ZNF292: variants seen among roughly 807,000 people sequenced by gnomAD.
ZNF292 encodes 16 zinc-finger domain protein.
A neutral mutation model predicts 217.9 loss-of-function variants in ZNF292; 26 were observed. The observed-to-expected ratio is 0.12, with a 90% confidence interval of 0.09 to 0.17. ZNF292 has a LOEUF of 0.17. Among genes scored for constraint, ZNF292 ranks in the 10% least tolerant of loss-of-function variants. The probability of loss-of-function intolerance (pLI) is 1.00; values close to 1 mark genes in which losing one functional copy is unlikely to be tolerated. For missense variants in ZNF292, 2,904 were observed against 3,175.2 expected (o/e 0.91, Z 2.05); for synonymous variants, 1,257 against 1,124.1 (o/e 1.12, Z -2.37).
intron 1 of ZNF292, among the ~76,000 whole-genome samples, chr6:87,195,931 G>A (rs1221611829): frequency 6.6e-6 from 1 of 151,838 alleles, no homozygotes; most frequent in Non-Finnish European, 1.5e-5. Flanking sequence ...AGGAGGCTGA[G>A]GCAGGAGAAT....
chr6:87,193,309 C>T (rs752840179), intron 1 of ZNF292, among the ~76,000 whole-genome samples: 4 of 152,082 alleles, frequency 2.6e-5, no homozygotes, highest in Non-Finnish European at 4.4e-5. Context: ...CTTTGGGAGG[C>T]GGAGGCAGAC....
In ZNF292 at chr6:87,261,761, A is replaced by C; in HGVS notation, c.8132A>C (p.Asp2711Ala). The C allele has an allele frequency of 6.2e-7, 1 of 1,612,826 alleles. No individual in the cohort carries two copies. The highest frequency in any genetic ancestry group is 2.2e-5 in the East Asian group (1 of 44,850). The change falls in exon 8 of 8, where the codon GAT becomes GCT. Residue 2711 changes from aspartate to alanine, a missense_variant. Physicochemically the swap from Asp to Ala is moderately radical, Grantham distance 126. Transcript: ENST00000369577. ...SNDPDMSVMKDISIGKATGRG... is the reference protein window; with the variant it reads ...SNDPDMSVMKAISIGKATGRG... The stretch of plus-strand genomic sequence containing the variant: ...GATCCAGATATGTCTGTTATGAAAG[A>C]TATCAGTATAGGTAAAGCCACAGGC...
intron 3 of ZNF292, among the ~76,000 whole-genome samples, chr6:87,217,504 ATTTTG>A (rs376776588): frequency 0.01 from 1,551 of 152,168 alleles, 28 homozygotes; most frequent in African/African-American, 0.034. Context: ...TAGGTAAATT[ATTTTG>A]AAACTTCCTA....
chr6:87,176,609 T>A (rs185714080), intron 1 of ZNF292, among the ~76,000 whole-genome samples: 5 of 152,292 alleles, frequency 3.3e-5, no homozygotes, highest in Non-Finnish European at 7.4e-5. Context: ...CTGAACCCTA[T>A]CACCCTCAAT....
intron 1 of ZNF292, among the ~76,000 whole-genome samples, chr6:87,200,072 T>G (rs1772062652): frequency 6.6e-6 from 1 of 152,216 alleles, no homozygotes; most frequent in East Asian, 1.9e-4. Flanking sequence ...TTGAATCTAA[T>G]TATGTACATC....
chr6:87,213,021 A>G (rs1285604975), intron 1 of ZNF292, among the ~76,000 whole-genome samples: 1 of 152,254 alleles, frequency 6.6e-6, no homozygotes, highest in Admixed American at 6.5e-5. Flanking sequence ...CAGCAGATTA[A>G]TAGGAGAAAT....
At chr6:87,236,257 G>A (rs1204061961) in intron 5 of ZNF292, among the ~76,000 whole-genome samples, 1 of 152,228 alleles carries the variant, frequency 6.6e-6, no homozygotes, top group Non-Finnish European at 1.5e-5. Context: ...TTTGTTAGAA[G>A]GAGTCAGCAA....
rs15511 is a variant in ZNF292 at position 87,261,749 on chromosome 6, C to A, written c.8120C>A (p.Ser2707Tyr). The change falls in exon 8 of 8, where the codon TCT (serine) becomes TAT (tyrosine). Residue 2707 changes from serine to tyrosine, a missense_variant. Physicochemically the swap from Ser to Tyr is moderately radical, Grantham distance 144. Around this residue, in one of 15 missense-constraint regions of ZNF292, gnomAD observed 380 missense variants for 355.3 expected, o/e 1.07. Coordinates refer to ENST00000369577, the MANE Select transcript of ZNF292 (RefSeq NM_015021.3). ...LEVHSNDPDM[S>Y]VMKDISIGKA... ...GTACATTCAAATGATCCAGATATGT[C>A]TGTTATGAAAGATATCAGTATAGGT... 1.2e-6 allele frequency: 2 copies of A among 1,612,846 alleles called. No individual in the cohort carries two copies. Among genetic ancestry groups the A allele is most frequent in the South Asian group, 2.2e-5 (2 of 91,012 alleles).
rs1775622979 is a variant in ZNF292 at position 87,261,883 on chromosome 6, CATT to C, written c.*85_*87del. On this transcript the variant is annotated 3_prime_UTR_variant, in exon 8 of 8. Coordinates refer to ENST00000369577, the MANE Select transcript of ZNF292 (RefSeq NM_015021.3). Reference sequence around the variant, plus strand: ...AAGCATGCTAGAATTGTGAAACTTTCATTATATTTTTTTGTTGTTGACATGAAT... The same window carrying C: ...AAGCATGCTAGAATTGTGAAACTTTCATATTTTTTTGTTGTTGACATGAAT... 1.0e-6 allele frequency: 1 copy of C among 1,000,380 alleles called. No homozygotes were observed. Among genetic ancestry groups the C allele is most frequent in the Non-Finnish European group, 1.4e-6 (1 of 732,544 alleles). 62.0% of individuals were successfully genotyped at this position (1,000,380 alleles called of 1,614,324 possible).
chr6:87,168,539 A>T (rs1770988913), intron 1 of ZNF292, among the ~76,000 whole-genome samples: 1 of 152,144 alleles, frequency 6.6e-6, no homozygotes, highest in Admixed American at 6.5e-5. Context: ...ACATGATCTT[A>T]GCTCACTGTA....
chr6:87,225,728 C>T (rs1441932535), intron 4 of ZNF292, among the ~76,000 whole-genome samples: 1 of 152,154 alleles, frequency 6.6e-6, no homozygotes, highest in Non-Finnish European at 1.5e-5. Flanking sequence ...TTGAAAATTA[C>T]ATTTTGCCAT....
At chr6:87,240,847 T>C (rs959801866) in intron 5 of ZNF292, among the ~76,000 whole-genome samples, 1 of 152,252 alleles carries the variant, frequency 6.6e-6, no homozygotes, top group Non-Finnish European at 1.5e-5. Flanking sequence ...CATATGAATA[T>C]ATGGCCTTAG....
chr6:87,250,959 T>C (rs1326476654), intron 7 of ZNF292, among the ~76,000 whole-genome samples: 3 of 152,188 alleles, frequency 2.0e-5, no homozygotes, highest in South Asian at 2.1e-4. Context: ...GTACATTGCT[T>C]AGTGCAGTGC....
Position 87,261,394 on chromosome 6 carries a change from A to G in ZNF292, c.7765A>G (p.Met2589Val), listed in dbSNP as rs1158364280. ...ASFDWSSFKP[M>V]GFEVSFLKFL... Reference sequence around the variant, plus strand: ...TTTTGACTGGAGCTCTTTTAAGCCAATGGGATTTGAAGTATCATTTCTGAA... The same window carrying G: ...TTTTGACTGGAGCTCTTTTAAGCCAGTGGGATTTGAAGTATCATTTCTGAA... Residue 2589 changes from methionine (M) to valine (V), a missense_variant, in exon 8 of 8, where the codon ATG becomes GTG. Transcript: ENST00000369577. 5 of 1,612,408 alleles carry G rather than the reference A, an allele frequency of 3.1e-6. No homozygotes were observed. Among genetic ancestry groups the G allele is most frequent in the South Asian group, 1.1e-5 (1 of 90,894 alleles).
At position 87,226,413 on chromosome 6, in the gene ZNF292, G is replaced by A. The variant is rs939842022; in HGVS notation, c.539-6912G>A. Among the ~76,000 whole-genome samples the A allele has an allele frequency of 3.9e-5, 6 of 151,942 alleles. No individual in the cohort carries two copies. In the South Asian group the frequency reaches 8.3e-4, roughly 21 times the overall value. ...GATGCAATAATATTTTAGCAGGAGAGGGGATGGGAGGAGAGAGCTAGCGAT... is the reference window on the plus strand; with the variant it reads ...GATGCAATAATATTTTAGCAGGAGAAGGGATGGGAGGAGAGAGCTAGCGAT... On this transcript the variant is annotated intron_variant, in intron 4 of 7. Transcript: ENST00000369577.
chr6:87,238,560 T>A (rs1398548002), intron 5 of ZNF292, among the ~76,000 whole-genome samples: 1 of 150,692 alleles, frequency 6.6e-6, no homozygotes, highest in Non-Finnish European at 1.5e-5. Context: ...ACATAATAGA[T>A]AAATTTGGTA....
chr6:87,258,760 G>C lies in ZNF292; in HGVS notation c.5131G>C (p.Glu1711Gln), dbSNP rs373318393. The stretch of plus-strand genomic sequence containing the variant: ...AAAAGAGAATTTCAAAACCAGTCTT[G>C]AGTCCCATACAGTGTTAGCCCCTTT... ...DVKENFKTSL[E>Q]SHTVLAPLTL... The change falls in exon 8 of 8, where the codon GAG (glutamate) becomes CAG (glutamine). Residue 1711 changes from glutamate (E) to glutamine (Q), a missense_variant. This residue lies in a region of ZNF292 where 622 missense variants were observed against 573.1 expected (regional missense o/e 1.09). Transcript: ENST00000369577. The C allele has an allele frequency of 3.5e-5, 56 of 1,613,402 alleles. 1 individual carries two copies. The Middle Eastern group carries it at 1.5e-3, about 43-fold the overall frequency.
chr6:87,240,007 G>T (rs1395263415), intron 5 of ZNF292, among the ~76,000 whole-genome samples: 2 of 152,222 alleles, frequency 1.3e-5, no homozygotes, highest in East Asian at 3.9e-4. Flanking sequence ...AGGCGGCTGG[G>T]AGGTGGAGGT....
chr6:87,246,781 C>CA (rs1183768206), intron 7 of ZNF292, among the ~76,000 whole-genome samples: 1 of 152,154 alleles, frequency 6.6e-6, no homozygotes, highest in Non-Finnish European at 1.5e-5. Flanking sequence ...GCTTGAACCT[C>CA]AGAGGCAGCG....
Sources: allele counts gnomAD v4.1 joint callset (sites outside exome capture counted in the v4.1 genomes callset), GRCh38; gene constraint gnomAD v4.1.1; regional missense constraint gnomAD v4.1.1; transcripts MANE v1.5; gene names NCBI Gene and HGNC (gene_info 2026-07-23, HGNC 2026-07-21).